Variants in DUS2 observed in about 807,000 individuals in gnomAD.
DUS2 encodes the protein tRNA-dihydrouridine(20) synthase [NAD(P)+]-like.
Under a neutral mutation model 71.3 loss-of-function variants are expected in DUS2, and 52 were observed. The observed-to-expected ratio is 0.73, with a 90% CI of 0.58 to 0.92. DUS2 has a LOEUF of 0.92. Among genes scored for constraint, DUS2 ranks in the 40% least tolerant of loss-of-function variants. The pLI is 0.00. For synonymous variants in DUS2, 204 were observed against 227.8 expected (o/e 0.90, Z 0.94); for missense variants, 558 against 622.6 (o/e 0.90, Z 1.10).
intron 2 of DUS2, among the ~76,000 whole-genome samples, chr16:68,034,209 G>A (rs2033483621): frequency 6.6e-6 from 1 of 151,994 alleles, no homozygotes; most frequent in South Asian, 2.1e-4. Context: ...GGTACTACAG[G>A]CATGCACTAC....
chr16:68,066,783 G>C (rs2034011373), intron 10 of DUS2, 147 bp downstream of exon 10: 2 of 786,360 alleles, frequency 2.5e-6, no homozygotes, highest in African/African-American at 1.7e-5. Context: ...TATCTTATGA[G>C]TCTGGAGGGC....
At chr16:68,027,953 A>T (rs1208599362) in intron 2 of DUS2, among the ~76,000 whole-genome samples, 3 of 152,086 alleles carry the variant, frequency 2.0e-5, no homozygotes, top group Non-Finnish European at 4.4e-5. Context: ...AGCATGGGGG[A>T]GTTCTGAGGG....
intron 8 of DUS2, among the ~76,000 whole-genome samples, chr16:68,062,741 G>GATCATATAGT (rs2033957479): frequency 7.6e-6 from 1 of 132,388 alleles, no homozygotes; most frequent in African/African-American, 2.8e-5. Flanking sequence ...AAAAAAAAAA[G>GATCATATAGT]ATCATATAGT....
chr16:68,073,457 T>C (rs1375493215), intron 12 of DUS2, among the ~76,000 whole-genome samples: 1 of 149,360 alleles, frequency 6.7e-6, no homozygotes, highest in Non-Finnish European at 1.5e-5. Context: ...TTCTTTTTTT[T>C]TTTTTTTTTG....
intron 2 of DUS2, among the ~76,000 whole-genome samples, chr16:68,036,889 CAG>C (rs2033537999): frequency 6.6e-6 from 1 of 151,342 alleles, no homozygotes; most frequent in African/African-American, 2.4e-5. Context: ...TTTTTCTTCT[CAG>C]GGGTCTTCAT....
chr16:68,030,723 A>G (rs1421214586), intron 2 of DUS2, among the ~76,000 whole-genome samples: 1 of 151,984 alleles, frequency 6.6e-6, no homozygotes, highest in African/African-American at 2.4e-5. Context: ...ATCAGTAGAC[A>G]TTTTGGTTTT....
intron 7 of DUS2, among the ~76,000 whole-genome samples, chr16:68,057,165 A>G (rs942341267): frequency 6.4e-4 from 91 of 142,438 alleles, no homozygotes; most frequent in Non-Finnish European, 1.2e-3. Context: ...TATATGTAGT[A>G]TATAAAATAA....
chr16:68,062,852 A>G (rs1029768953), intron 8 of DUS2, among the ~76,000 whole-genome samples: 4 of 151,946 alleles, frequency 2.6e-5, no homozygotes, highest in Non-Finnish European at 5.9e-5. Context: ...GTGCCTGGGT[A>G]TAGTTTATAA....
chr16:68,046,941 G>T (rs1434842029), intron 3 of DUS2, among the ~76,000 whole-genome samples: 1 of 151,830 alleles, frequency 6.6e-6, no homozygotes, highest in Non-Finnish European at 1.5e-5. Context: ...TAGTAGAGAC[G>T]GGGTTTCACT....
chr16:68,061,861 A>G (rs968994940), intron 8 of DUS2, among the ~76,000 whole-genome samples: 3 of 152,304 alleles, frequency 2.0e-5, no homozygotes, highest in East Asian at 3.9e-4. Flanking sequence ...TGAGAGCTGC[A>G]TGGTTGCTGT....
chr16:68,041,406 C>T (rs2151415527), intron 3 of DUS2, among the ~76,000 whole-genome samples: 1 of 152,188 alleles, frequency 6.6e-6, no homozygotes, highest in East Asian at 1.9e-4. Context: ...TTCTGGTGTT[C>T]CTGTCTGTGA....
At chr16:68,035,270 T>A (rs978460820) in intron 2 of DUS2, among the ~76,000 whole-genome samples, 2 of 152,204 alleles carry the variant, frequency 1.3e-5, no homozygotes, top group Non-Finnish European at 2.9e-5. Context: ...TGTAAAAATA[T>A]GAGACAGTTC....
intron 3 of DUS2, among the ~76,000 whole-genome samples, chr16:68,041,541 A>T (rs1452826905): frequency 6.6e-6 from 1 of 151,542 alleles, no homozygotes; most frequent in Non-Finnish European, 1.5e-5. Flanking sequence ...GGCCAAGCAC[A>T]GTGGCTCATG....
At chr16:68,058,968 T>C (rs944745045) in intron 7 of DUS2, among the ~76,000 whole-genome samples, 3 of 152,268 alleles carry the variant, frequency 2.0e-5, no homozygotes, top group East Asian at 3.9e-4. Flanking sequence ...TCCCAGCACT[T>C]TGGGAGGCTG....
At chr16:68,032,389 T>A (rs1434973257) in intron 2 of DUS2, among the ~76,000 whole-genome samples, 1 of 152,196 alleles carries the variant, frequency 6.6e-6, no homozygotes, top group Non-Finnish European at 1.5e-5. Flanking sequence ...GAGCTTGTTG[T>A]CCTGGTGGTC....
At chr16:68,034,292 A>C (rs1231554985) in intron 2 of DUS2, among the ~76,000 whole-genome samples, 1 of 152,070 alleles carries the variant, frequency 6.6e-6, no homozygotes, top group Non-Finnish European at 1.5e-5. Flanking sequence ...CTCCAACTCC[A>C]AGCTGATCTC....
chr16:68,039,724 T>C (rs2033593444), intron 3 of DUS2, among the ~76,000 whole-genome samples: 1 of 151,092 alleles, frequency 6.6e-6, no homozygotes, highest in Non-Finnish European at 1.5e-5. Context: ...CCTGGCCCCC[T>C]GTTTCTTGAA....
intron 10 of DUS2, among the ~76,000 whole-genome samples, chr16:68,069,108 C>T (rs547340025): frequency 6.6e-6 from 1 of 152,012 alleles, no homozygotes; most frequent in African/African-American, 2.4e-5. Flanking sequence ...AGTAGAGGGG[C>T]CCGGGCGCGG....
At chr16:68,027,121 A>C (rs1479934542) in intron 2 of DUS2, 2 of 152,186 alleles carry the variant, frequency 1.3e-5, no homozygotes, top group Non-Finnish European at 2.9e-5. Flanking sequence ...TCTCCTCTAA[A>C]ACCAAACTTG....
Sources: gnomAD v4.1 joint callset for allele counts (sites outside exome capture counted in the v4.1 genomes callset) on GRCh38, gnomAD v4.1.1 for gene constraint, MANE v1.5 for transcripts, NCBI Gene and HGNC (gene_info 2026-07-23, HGNC 2026-07-21) for gene names.